Variants in CCDC28B observed in about 807,000 individuals in gnomAD.
CCDC28B encodes coiled-coil domain containing 28B.
A neutral mutation model predicts 18.7 loss-of-function variants in CCDC28B; 17 were observed. The observed-to-expected ratio is 0.91, with a 90% CI of 0.62 to 1.36. CCDC28B has a LOEUF of 1.36. CCDC28B is among the 40% of genes most tolerant of loss of function. The probability of loss-of-function intolerance (pLI) is 0.00; values close to 1 mark genes in which losing one functional copy is unlikely to be tolerated. For synonymous variants in CCDC28B, 116 were observed against 105.1 expected, an observed-to-expected ratio of 1.10 and a Z score of -0.64; for missense variants, 213 against 251.7, an observed-to-expected ratio of 0.85 and a Z score of 1.04.
chr1:32,201,961 G>T lies in CCDC28B; in HGVS notation c.26G>T (p.Ser9Ile). 1 of 1,607,792 alleles carries T rather than the reference G, an allele frequency of 6.2e-7. No individual in the cohort carries two copies. Among genetic ancestry groups the T allele is most frequent in the Non-Finnish European group, 8.5e-7 (1 of 1,177,784 alleles). Residue 9 changes from serine to isoleucine, a missense_variant, in exon 2 of 6, where the codon AGT (serine) becomes ATT (isoleucine). Coordinates refer to ENST00000373602, the MANE Select transcript of CCDC28B (RefSeq NM_024296.5). The stretch of plus-strand genomic sequence containing the variant: ...ATGGATGACAAAAAGAAGAAACGGA[G>T]TCCCAAGCCCTGCCTGGCCCAGCCA... MDDKKKKR[S>I]PKPCLAQPAQ...
At position 32,201,978 on chromosome 1, in the gene CCDC28B, G is replaced by A. The variant is rs1372133970; in HGVS notation, c.43G>A (p.Ala15Thr). ...GAAACGGAGTCCCAAGCCCTGCCTG[G>A]CCCAGCCAGCCCAGGCCCCAGGCAC... ...KKKRSPKPCL[A>T]QPAQAPGTLR... The change falls in exon 2 of 6, where the codon GCC (alanine) becomes ACC (threonine). Residue 15 changes from alanine to threonine, a missense_variant. Physicochemically the swap from Ala to Thr is moderately conservative, Grantham distance 58. Transcript: ENST00000373602. 2.5e-6 allele frequency: 4 copies of A among 1,612,720 alleles called. No homozygotes were observed. The highest frequency in any genetic ancestry group is 1.1e-5 in the South Asian group (1 of 90,948).
upstream of CCDC28B, among the ~76,000 whole-genome samples, chr1:32,199,847 T>C (rs1359756952): frequency 6.6e-6 from 1 of 152,242 alleles, no homozygotes; most frequent in Non-Finnish European, 1.5e-5. Flanking sequence ...TCTGGGGACC[T>C]GCGCCAGGAG....
chr1:32,197,108 A>G (rs1187517420), upstream of CCDC28B: 1 of 152,232 alleles, frequency 6.6e-6, no homozygotes, highest in African/African-American at 2.4e-5. The surrounding 1 kb of genome is among the most constrained non-coding windows in gnomAD (Gnocchi z 4.6). Flanking sequence ...TTCCTGCTCC[A>G]GTAGGGCCTT....
At chr1:32,199,490 C>G (rs868062770), upstream of CCDC28B, among the ~76,000 whole-genome samples, 1 of 152,186 alleles carries the variant, frequency 6.6e-6, no homozygotes, top group South Asian at 2.1e-4. Context: ...CCTCTGTCAG[C>G]AGCATTACCA....
At chr1:32,199,716 C>T (rs976142835), upstream of CCDC28B, among the ~76,000 whole-genome samples, 2 of 152,204 alleles carry the variant, frequency 1.3e-5, no homozygotes, top group African/African-American at 4.8e-5. Context: ...GGAAGCCACT[C>T]CTGCCCGGGG....
At chr1:32,203,244 G>T (rs952879644) in intron 2 of CCDC28B, 7 of 152,086 alleles carry the variant, frequency 4.6e-5, no homozygotes, top group African/African-American at 1.7e-4. Context: ...ATGACCTGAG[G>T]TCAGGAGTTC....
rs1000383939 is a variant in CCDC28B at position 32,204,373 on chromosome 1, T to A, written c.519T>A (p.Leu173=). The A allele has an allele frequency of 1.3e-6, 2 of 1,575,472 alleles. No individual in the cohort carries two copies. Among genetic ancestry groups the A allele is most frequent in the Non-Finnish European group, 1.7e-6 (2 of 1,160,440 alleles). The change falls in exon 4 of 6, where the codon CTT becomes CTA. Residue 173 remains leucine (L), a synonymous_variant. Coordinates refer to ENST00000373602, the MANE Select transcript of CCDC28B (RefSeq NM_024296.5). ...CTGACCGTAACCTGGACCAGCTGCTTAGCAATGTGGGTTCATGTCTGGGTG... is the reference window on the plus strand; with the variant it reads ...CTGACCGTAACCTGGACCAGCTGCTAAGCAATGTGGGTTCATGTCTGGGTG... The part of the protein sequence containing the change: ...TMADRNLDQL[L]SNLEDLSNSI...
upstream of CCDC28B, chr1:32,198,267 TAA>T (rs1013900439): frequency 1.2e-4 from 19 of 152,270 alleles, no homozygotes; most frequent in Admixed American, 1.2e-3. Flanking sequence ...CCACATTAAA[TAA>T]AGAGTCTGTT....
In CCDC28B at chr1:32,205,272, C is replaced by G; in HGVS notation, c.*24C>G. The G allele has an allele frequency of 6.3e-7, 1 of 1,597,798 alleles. No homozygotes were observed. Among genetic ancestry groups the G allele is most frequent in the Middle Eastern group, 1.7e-4 (1 of 6,030 alleles). On this transcript the variant is annotated 3_prime_UTR_variant, in exon 6 of 6. Coordinates refer to ENST00000373602, the MANE Select transcript of CCDC28B (RefSeq NM_024296.5). This position sits in a 1 kb window ranked among gnomAD's most constrained non-coding sequence, Gnocchi z 5.6. Reference sequence around the variant, plus strand: ...AGGCGTCCCACGCAGGCCCACACTGCCCCTCTCATTCTCTTCAAACTGTGA... The same window carrying G: ...AGGCGTCCCACGCAGGCCCACACTGGCCCTCTCATTCTCTTCAAACTGTGA...
At chr1:32,204,123 T>A in intron 3 of CCDC28B, 63 bp from the exon 4 acceptor site, 1 of 1,606,174 alleles carries the variant, frequency 6.2e-7, no homozygotes, top group South Asian at 1.1e-5. Context: ...GCTGGGACCA[T>A]GGTTCCAGGG....
chr1:32,205,052 G>A lies in CCDC28B; in HGVS notation c.549-142G>A. On this transcript the variant is annotated intron_variant, in intron 5 of 5. Transcript: ENST00000373602. The surrounding 1 kb of genome is among the most constrained non-coding windows in gnomAD (Gnocchi z 5.6). ...GAGGGGGTGAGAGAGGGCAGGCGGGGACTGCAACCTCAGTCCACAGACGGC... is the reference window on the plus strand; with the variant it reads ...GAGGGGGTGAGAGAGGGCAGGCGGGAACTGCAACCTCAGTCCACAGACGGC... 4.2e-6 allele frequency: 5 copies of A among 1,199,072 alleles called. No homozygotes were observed. The highest frequency in any genetic ancestry group is 5.8e-6 in the Non-Finnish European group (5 of 863,856). The allele number at this position is 1,199,072 out of a possible 1,614,324, so 74.3% of individuals were successfully genotyped here.
intron 4 of CCDC28B, 79 bp from the exon 5 acceptor site, chr1:32,204,519 G>A: frequency 6.6e-7 from 1 of 1,521,082 alleles, no homozygotes; most frequent in Non-Finnish European, 8.8e-7. Flanking sequence ...AACCTCCCCA[G>A]AAGATAGCCC....
chr1:32,203,864 G>C lies in CCDC28B; in HGVS notation c.165-15G>C, dbSNP rs908238425. ...CCCCCTACCCTGTGATCATGGTCAT[G>C]TCCACCCCACCCAGAGTAGGCAAAG... is the stretch of plus-strand genomic sequence containing the variant. On this transcript the variant is annotated splice_polypyrimidine_tract_variant and intron_variant, in intron 2 of 5. Coordinates refer to ENST00000373602, the MANE Select transcript of CCDC28B (RefSeq NM_024296.5). 1.3e-6 allele frequency: 2 copies of C among 1,497,552 alleles called. No individual in the cohort carries two copies. Among genetic ancestry groups the C allele is most frequent in the Non-Finnish European group, 1.8e-6 (2 of 1,124,242 alleles). 92.8% of individuals were successfully genotyped at this position (1,497,552 alleles called of 1,614,324 possible).
upstream of CCDC28B, among the ~76,000 whole-genome samples, chr1:32,199,643 T>TGAGCAGGTGCCCTCAG (rs1643105215): frequency 6.6e-6 from 1 of 152,204 alleles, no homozygotes; most frequent in African/African-American, 2.4e-5. Context: ...GAAGAAGCCC[T>TGAGCAGGTGCCCTCAG]GAGCAGGTGC....
In CCDC28B at chr1:32,204,512, C is replaced by G. The variant is rs953983554; in HGVS notation, c.526-86C>G. 5.3e-6 allele frequency: 8 copies of G among 1,517,220 alleles called. No individual in the cohort carries two copies. In the African/African-American group the frequency reaches 1.1e-4, roughly 21 times the overall value. 94.0% of individuals were successfully genotyped at this position (1,517,220 alleles called of 1,614,324 possible). On this transcript the variant is annotated intron_variant, in intron 4 of 5. Transcript: ENST00000373602. ...ATCCAAGAGCTCTGGGCCCCTCAACCTCCCCAGAAGATAGCCCCCAGAGCA... is the reference window on the plus strand; with the variant it reads ...ATCCAAGAGCTCTGGGCCCCTCAACGTCCCCAGAAGATAGCCCCCAGAGCA...
At chr1:32,202,367 C>T (rs907906453) in intron 2 of CCDC28B, 7 of 636,894 alleles carry the variant, frequency 1.1e-5, no homozygotes, top group Admixed American at 4.2e-5. Context: ...GAATGTTCCA[C>T]GCTGAGAGGC....
At chr1:32,196,606 G>C (rs956477317), upstream of CCDC28B, 3 of 152,148 alleles carry the variant, frequency 2.0e-5, no homozygotes, top group African/African-American at 7.2e-5. Flanking sequence ...ATGTTCTGCT[G>C]TTGCAAACTT....
At chr1:32,203,402 A>G (rs1643201473) in intron 2 of CCDC28B, among the ~76,000 whole-genome samples, 1 of 152,026 alleles carries the variant, frequency 6.6e-6, no homozygotes, top group Non-Finnish European at 1.5e-5. Flanking sequence ...GGTTGCAGTG[A>G]GCCGAGATCA....
rs200265063 is a variant in CCDC28B at position 32,204,353 on chromosome 1, C to T, written c.499C>T (p.Arg167Cys). The change falls in exon 4 of 6, where the codon CGT becomes TGT. Residue 167 changes from arginine (R) to cysteine (C), a missense_variant. Coordinates refer to ENST00000373602, the MANE Select transcript of CCDC28B (RefSeq NM_024296.5). ...GGAGCAGAAGAAGACAATGGCTGACCGTAACCTGGACCAGCTGCTTAGCAA... is the reference window on the plus strand; with the variant it reads ...GGAGCAGAAGAAGACAATGGCTGACTGTAACCTGGACCAGCTGCTTAGCAA... ...PEEQKKTMAD[R>C]NLDQLLSNLE... The T allele has an allele frequency of 3.3e-5, 53 of 1,593,122 alleles. No individual in the cohort carries two copies. Among genetic ancestry groups the T allele is most frequent in the Non-Finnish European group, 4.0e-5 (47 of 1,169,272 alleles).
Sources: allele counts gnomAD v4.1 joint callset (sites outside exome capture counted in the v4.1 genomes callset), GRCh38; gene constraint gnomAD v4.1.1; non-coding constraint Gnocchi (gnomAD v3.1); transcripts MANE v1.5; gene names NCBI Gene and HGNC (gene_info 2026-07-23, HGNC 2026-07-21).